The following CHN2 variants were observed in gnomAD, a reference collection of about 807,000 sequenced individuals.
The protein encoded by CHN2 is beta-chimaerin.
In CHN2, 35 loss-of-function variants were observed where a neutral mutation model predicts 56.3. The observed-to-expected ratio is 0.62, with a 90% CI of 0.47 to 0.82. CHN2 has a LOEUF of 0.82. CHN2 is among the 40% of genes least tolerant of loss of function. CHN2 has a pLI of 0.00. For synonymous variants in CHN2, 210 were observed against 212.8 expected (o/e 0.99, Z 0.12); for missense variants, 491 against 580.5 (o/e 0.85, Z 1.58).
intron 2 of CHN2, among the ~76,000 whole-genome samples, chr7:29,149,231 C>T (rs1033679725): frequency 1.5e-5 from 2 of 130,600 alleles, no homozygotes; most frequent in African/African-American, 2.9e-5. Context: ...CTTACTGTGC[C>T]GCCCAGGCTG....
intron 6 of CHN2, among the ~76,000 whole-genome samples, chr7:29,426,206 C>CAA (rs10630481): frequency 0.44 from 36,221 of 82,926 alleles, 9,828 homozygotes; most frequent in Non-Finnish European, 0.55. Flanking sequence ...GACTCTGTCT[C>CAA]AAAAAAAAAA....
chr7:29,157,455 A>AGT (rs1794554837), intron 2 of CHN2, among the ~76,000 whole-genome samples: 1 of 36,732 alleles, frequency 2.7e-5, no homozygotes. Context: ...TAAGCTGGAA[A>AGT]CTTTAAAGTT....
intron 3 of CHN2, among the ~76,000 whole-genome samples, chr7:29,374,510 A>C (rs1438777279): frequency 6.6e-6 from 1 of 152,180 alleles, no homozygotes; most frequent in Non-Finnish European, 1.5e-5. Flanking sequence ...TTCTTCTAAA[A>C]TAATACAGAT....
intron 6 of CHN2, among the ~76,000 whole-genome samples, chr7:29,456,482 C>G (rs912476882): frequency 6.6e-6 from 1 of 152,120 alleles, no homozygotes; most frequent in African/African-American, 2.4e-5. Flanking sequence ...AGTGAAGTTC[C>G]CCTGTGCCCA....
intron 6 of CHN2, among the ~76,000 whole-genome samples, chr7:29,440,235 C>G (rs1193109222): frequency 6.6e-6 from 1 of 152,126 alleles, no homozygotes; most frequent in African/African-American, 2.4e-5. Flanking sequence ...GTAGTATATA[C>G]CTAAGACAAC....
At chr7:29,303,631 G>A (rs1006290442) in intron 1 of CHN2, among the ~76,000 whole-genome samples, 6 of 152,160 alleles carry the variant, frequency 3.9e-5, no homozygotes, top group Admixed American at 1.3e-4. Flanking sequence ...GCTTCCCCCA[G>A]CCTATAGGAC....
intron 1 of CHN2, among the ~76,000 whole-genome samples, chr7:29,302,551 G>C (rs887683527): frequency 8.7e-5 from 12 of 137,690 alleles, no homozygotes; most frequent in Non-Finnish European, 3.0e-5. Flanking sequence ...ATATTACCCA[G>C]GCTGGTCTCA....
At chr7:29,286,373 G>T (rs1215149348) in intron 1 of CHN2, among the ~76,000 whole-genome samples, 1 of 151,718 alleles carries the variant, frequency 6.6e-6, no homozygotes, top group Non-Finnish European at 1.5e-5. Flanking sequence ...ATAGGGTAGG[G>T]CTCCAGTGTA....
rs370857090 is a variant in CHN2 at position 29,398,618 on chromosome 7, G to T, written c.290+132G>T. 19 of 633,914 alleles carry T rather than the reference G, an allele frequency of 3.0e-5. No individual in the cohort carries two copies. In the Admixed American group the frequency reaches 3.2e-4, roughly 11 times the overall value. 39.3% of individuals were successfully genotyped at this position (633,914 alleles called of 1,614,324 possible). A position where few individuals can be genotyped will look rare whatever the true frequency, so the allele number is the denominator to read the frequency against. ...TTTTTCCCATGTTTATGTTATGAGG[G>T]GGGGGTCCCACTCTCTCACCCAGGC... On this transcript the variant is annotated intron_variant, in intron 5 of 12. Transcript: ENST00000222792.
intron 6 of CHN2, among the ~76,000 whole-genome samples, chr7:29,466,993 A>G (rs1362358): frequency 0.69 from 105,353 of 152,080 alleles, 36,767 homozygotes; most frequent in Admixed American, 0.77. Context: ...TTTTAAATAT[A>G]CCTGTAAGCA....
At chr7:29,260,946 TG>T (rs1789495764) in intron 1 of CHN2, among the ~76,000 whole-genome samples, 1 of 152,210 alleles carries the variant, frequency 6.6e-6, no homozygotes, top group Admixed American at 6.5e-5. Context: ...GCAATTGTAT[TG>T]TATTTTCTTT....
At chr7:29,187,058 G>T (rs1244309706) in intron 2 of CHN2, among the ~76,000 whole-genome samples, 1 of 152,096 alleles carries the variant, frequency 6.6e-6, no homozygotes, top group Non-Finnish European at 1.5e-5. Flanking sequence ...CATGATCCTG[G>T]CACATAGGAA....
chr7:29,321,664 G>A (rs986515037), intron 1 of CHN2, among the ~76,000 whole-genome samples: 3 of 144,306 alleles, frequency 2.1e-5, no homozygotes, highest in African/African-American at 5.1e-5. Flanking sequence ...TCCACCTCCC[G>A]CGTTCAAGTA....
At chr7:29,276,778 G>C (rs1207471204) in intron 1 of CHN2, among the ~76,000 whole-genome samples, 1 of 152,162 alleles carries the variant, frequency 6.6e-6, no homozygotes, top group Non-Finnish European at 1.5e-5. Context: ...AGCTATTTTA[G>C]ATCATTATAT....
chr7:29,370,242 T>A (rs1799501570), intron 3 of CHN2, among the ~76,000 whole-genome samples: 1 of 152,172 alleles, frequency 6.6e-6, no homozygotes, highest in Non-Finnish European at 1.5e-5. Flanking sequence ...TTCTCTTGCA[T>A]GATGGTGAAA....
intron 1 of CHN2, among the ~76,000 whole-genome samples, chr7:29,247,066 G>A (rs1788136190): frequency 6.6e-6 from 1 of 152,118 alleles, no homozygotes; most frequent in Non-Finnish European, 1.5e-5. Context: ...GTTGAGCCTG[G>A]GAGTGTCAGA....
chr7:29,488,498 G>GCT (rs1000869353), intron 7 of CHN2, among the ~76,000 whole-genome samples: 69 of 152,214 alleles, frequency 4.5e-4, no homozygotes, highest in African/African-American at 1.5e-3. Context: ...AGGGACTTTA[G>GCT]CTCTCTCTTC....
intron 1 of CHN2, among the ~76,000 whole-genome samples, chr7:29,232,524 C>G (rs1439290161): frequency 6.6e-6 from 1 of 152,190 alleles, no homozygotes; most frequent in South Asian, 2.1e-4. Context: ...TCAACAGATA[C>G]TATTTCCTTG....
At chr7:29,475,013 T>C (rs1037544055) in intron 6 of CHN2, among the ~76,000 whole-genome samples, 4 of 152,104 alleles carry the variant, frequency 2.6e-5, no homozygotes, top group Non-Finnish European at 5.9e-5. Context: ...TCTTCTACCA[T>C]TCCTTTCCTG....
Sources: allele counts gnomAD v4.1 joint callset (sites outside exome capture counted in the v4.1 genomes callset), GRCh38; gene constraint gnomAD v4.1.1; transcripts MANE v1.5; gene names NCBI Gene and HGNC (gene_info 2026-07-23, HGNC 2026-07-21).